The following AKAP19 variants were observed in gnomAD, a reference collection of about 807,000 sequenced individuals.
AKAP19 encodes the protein small A-kinase anchoring protein.
the AKAP19 span, among the ~76,000 whole-genome samples, chr2:190,123,416 A>T: frequency 6.6e-6 from 1 of 152,078 alleles, no homozygotes; most frequent in Admixed American, 6.5e-5. Context: ...GCAAAGCTTG[A>T]TATTTAGGTG....
the AKAP19 span, among the ~76,000 whole-genome samples, chr2:189,905,350 G>T: frequency 1.3e-5 from 2 of 151,934 alleles, no homozygotes; most frequent in African/African-American, 4.8e-5. Flanking sequence ...AAATGAGGAA[G>T]TTTACCTCAT....
At chr2:189,934,791 A>C in the AKAP19 span, among the ~76,000 whole-genome samples, 1 of 151,764 alleles carries the variant, frequency 6.6e-6, no homozygotes, top group African/African-American at 2.4e-5. Context: ...TGTTTTTACA[A>C]TTCAAGTCTT....
chr2:190,023,795 G>GTGTGTATATATA, the AKAP19 span, among the ~76,000 whole-genome samples: 1 of 142,834 alleles, frequency 7.0e-6, no homozygotes, highest in African/African-American at 2.6e-5. Flanking sequence ...ATGTGTGTGT[G>GTGTGTATATATA]TATATATATA....
chr2:190,011,026 C>G, the AKAP19 span, among the ~76,000 whole-genome samples: 1 of 146,634 alleles, frequency 6.8e-6, no homozygotes, highest in Non-Finnish European at 1.5e-5. Context: ...AATATTTTCT[C>G]CCATTCTCTC....
At chr2:190,139,816 G>A in the AKAP19 span, among the ~76,000 whole-genome samples, 11 of 151,932 alleles carry the variant, frequency 7.2e-5, no homozygotes, top group Middle Eastern at 3.2e-3. Context: ...ATCTCATGTC[G>A]TCACATTTCA....
the AKAP19 span, among the ~76,000 whole-genome samples, chr2:189,913,871 C>T: frequency 6.6e-6 from 1 of 152,032 alleles, no homozygotes; most frequent in African/African-American, 2.4e-5. Flanking sequence ...GAGAATGAAG[C>T]ATATCTTTTC....
At chr2:190,098,288 A>C in the AKAP19 span, among the ~76,000 whole-genome samples, 7 of 152,294 alleles carry the variant, frequency 4.6e-5, no homozygotes, top group South Asian at 1.2e-3. Context: ...GGGCTACAGA[A>C]TGGATGTGTT....
At chr2:189,906,632 T>G in the AKAP19 span, among the ~76,000 whole-genome samples, 3 of 152,146 alleles carry the variant, frequency 2.0e-5, no homozygotes, top group Admixed American at 2.0e-4. Context: ...ACCCCATGTT[T>G]TAAAAATAAT....
chr2:189,975,361 G>A, the AKAP19 span, among the ~76,000 whole-genome samples: 1 of 152,218 alleles, frequency 6.6e-6, no homozygotes, highest in Non-Finnish European at 1.5e-5. Context: ...CTGTTAGTCT[G>A]ATGGGCTTCC....
At chr2:190,168,987 C>A in the AKAP19 span, among the ~76,000 whole-genome samples, 1 of 152,282 alleles carries the variant, frequency 6.6e-6, no homozygotes, top group Admixed American at 6.5e-5. Flanking sequence ...TTCAGCAGTG[C>A]CCCATTCTAC....
the AKAP19 span, among the ~76,000 whole-genome samples, chr2:189,886,507 TA>T: frequency 6.6e-6 from 1 of 152,150 alleles, no homozygotes; most frequent in Non-Finnish European, 1.5e-5. Context: ...AATTCAAAAT[TA>T]AAACATAATC....
chr2:189,880,629 T>C, the AKAP19 span, among the ~76,000 whole-genome samples: 1 of 152,240 alleles, frequency 6.6e-6, no homozygotes, highest in Non-Finnish European at 1.5e-5. Flanking sequence ...TTTAACCTTT[T>C]ATCTGTAGCT....
At chr2:189,959,053 C>T in the AKAP19 span, among the ~76,000 whole-genome samples, 1 of 151,858 alleles carries the variant, frequency 6.6e-6, no homozygotes, top group African/African-American at 2.4e-5. Context: ...GTACACAGGA[C>T]TTCAATTGTG....
chr2:190,042,300 T>C, the AKAP19 span, among the ~76,000 whole-genome samples: 1 of 152,176 alleles, frequency 6.6e-6, no homozygotes, highest in African/African-American at 2.4e-5. Flanking sequence ...CTAGTTTGTG[T>C]GCATAGAAGT....
the AKAP19 span, among the ~76,000 whole-genome samples, chr2:190,188,927 C>T: frequency 8.6e-4 from 131 of 152,310 alleles, no homozygotes; most frequent in African/African-American, 3.1e-3. Context: ...ATTAGGGCAA[C>T]TGCACCTTCT....
the AKAP19 span, among the ~76,000 whole-genome samples, chr2:190,034,402 G>C: frequency 3.3e-5 from 5 of 151,690 alleles, no homozygotes; most frequent in Admixed American, 2.6e-4. Flanking sequence ...GTGTATATAT[G>C]TTGAAAAATA....
chr2:190,040,331 A>G, the AKAP19 span, among the ~76,000 whole-genome samples: 3 of 152,032 alleles, frequency 2.0e-5, no homozygotes, highest in African/African-American at 7.2e-5. Context: ...TTGGAGAAGT[A>G]TCTGTTCATG....
chr2:189,974,998 T>C, the AKAP19 span, among the ~76,000 whole-genome samples: 2 of 152,220 alleles, frequency 1.3e-5, no homozygotes, highest in African/African-American at 4.8e-5. Context: ...TTAATATTGT[T>C]GTGTGTGAAT....
the AKAP19 span, among the ~76,000 whole-genome samples, chr2:190,005,305 T>C: frequency 7.6e-4 from 115 of 152,142 alleles, no homozygotes; most frequent in Non-Finnish European, 1.4e-3. Flanking sequence ...TGCTGATTGG[T>C]CCATTTTACA....
Sources: gnomAD v4.1 joint callset for allele counts (sites outside exome capture counted in the v4.1 genomes callset) on GRCh38, gnomAD v4.1.1 for gene constraint, MANE v1.5 for transcripts, NCBI Gene and HGNC (gene_info 2026-07-23, HGNC 2026-07-21) for gene names.